The following NTPCR variants were observed in gnomAD, a reference collection of about 807,000 sequenced individuals.
NTPCR encodes the protein nucleoside-triphosphatase, cancer-related, also known as cancer-related nucleoside-triphosphatase.
Under a neutral mutation model 19.5 loss-of-function variants are expected in NTPCR, and 15 were observed. That is an observed-to-expected ratio of 0.77 (90% confidence interval 0.51 to 1.18). NTPCR has a LOEUF of 1.18. NTPCR is among the 50% of genes most tolerant of loss of function. The pLI, the probability that NTPCR is intolerant of heterozygous loss-of-function variation, is 0.00. For missense variants in NTPCR, 206 were observed against 240.4 expected (o/e 0.86, Z 0.95); for synonymous variants, 90 against 95.8 (o/e 0.94, Z 0.36).
intron 3 of NTPCR, among the ~76,000 whole-genome samples, chr1:232,960,768 G>C (rs1041645847): frequency 6.6e-6 from 1 of 152,098 alleles, no homozygotes; most frequent in African/African-American, 2.4e-5. Context: ...CTCTAGTAGG[G>C]TTGACTGTTA....
chr1:232,974,593 C>A (rs754058222), intron 4 of NTPCR, among the ~76,000 whole-genome samples: 20 of 152,310 alleles, frequency 1.3e-4, no homozygotes, highest in Non-Finnish European at 1.8e-4. Flanking sequence ...CTCACTGATA[C>A]AATCTTTGGC....
At chr1:232,971,168 C>T (rs1668964951) in intron 4 of NTPCR, among the ~76,000 whole-genome samples, 1 of 152,210 alleles carries the variant, frequency 6.6e-6, no homozygotes. Context: ...TTCTCCCCAA[C>T]CCCTACCCTT....
chr1:232,976,197 C>T (rs1669118018), intron 4 of NTPCR: 17 of 883,058 alleles, frequency 1.9e-5, no homozygotes, highest in Non-Finnish European at 2.6e-5. Context: ...TGTGATGTTT[C>T]AGTGCATGTA....
chr1:232,960,653 C>T (rs895698588), intron 3 of NTPCR, among the ~76,000 whole-genome samples: 2 of 152,040 alleles, frequency 1.3e-5, no homozygotes, highest in African/African-American at 4.8e-5. Flanking sequence ...GGTTACGTTT[C>T]TTTAGGCAGG....
In NTPCR at chr1:232,980,301, A is replaced by G. The variant is rs530407127; in HGVS notation, c.*2070A>G. On this transcript the variant is annotated 3_prime_UTR_variant, in exon 5 of 5. Coordinates refer to ENST00000366628, the MANE Select transcript of NTPCR (RefSeq NM_032324.3). ...TTCTGCACACTTTCCCTTTAACGGTAAAGAGACAAGCTTGGAGTGTTTAAG... is the reference window on the plus strand; with the variant it reads ...TTCTGCACACTTTCCCTTTAACGGTGAAGAGACAAGCTTGGAGTGTTTAAG... 2 of 152,312 alleles carry G rather than the reference A, an allele frequency of 1.3e-5. No individual in the cohort carries two copies. The highest frequency in any genetic ancestry group is 4.1e-4 in the South Asian group (2 of 4,830). 9.4% of individuals were successfully genotyped at this position (152,312 alleles called of 1,614,324 possible).
rs949257939 is a variant in NTPCR, at chr1:232,950,629, G to C, written c.-82G>C. 1.3e-5 allele frequency: 15 copies of C among 1,186,190 alleles called. No homozygotes were observed. The highest frequency in any genetic ancestry group is 1.9e-5 in the Non-Finnish European group (15 of 801,954). The allele number at this position is 1,186,190 out of a possible 1,614,324, so 73.5% of individuals were successfully genotyped here. A position where few individuals can be genotyped will look rare whatever the true frequency, so the allele number is the denominator to read the frequency against. ...ACGCGGTGGGCGGGTCCTGAGTCGC[G>C]ACCCTGGTCCGGACCTGACCTGAAT... On this transcript the variant is annotated 5_prime_UTR_variant, in exon 1 of 5. Coordinates refer to ENST00000366628, the MANE Select transcript of NTPCR (RefSeq NM_032324.3).
At chr1:232,969,576 AG>A in intron 3 of NTPCR, 2 of 228,268 alleles carry the variant, frequency 8.8e-6, no homozygotes, top group Non-Finnish European at 1.8e-5. Flanking sequence ...GGGAAAAAAA[AG>A]TAAGTACAAT....
At position 232,982,645 on chromosome 1, in the gene NTPCR, G is replaced by A. The variant is rs963090170; in HGVS notation, c.*4414G>A. The A allele has an allele frequency of 2.0e-5, 3 of 152,376 alleles. No homozygotes were observed. The highest frequency in any genetic ancestry group is 1.9e-4 in the East Asian group (1 of 5,178). The allele number at this position is 152,376 out of a possible 1,614,324, so 9.4% of individuals were successfully genotyped here. A position where few individuals can be genotyped will look rare whatever the true frequency, so the allele number is the denominator to read the frequency against. ...CTGCGCTGCCATTTCCTTCCAGCCT[G>A]GGTTTCTAGCTCTTTGGGGAGATTC... is the stretch of plus-strand genomic sequence containing the variant. On this transcript the variant is annotated 3_prime_UTR_variant, in exon 5 of 5. Coordinates refer to ENST00000366628, the MANE Select transcript of NTPCR (RefSeq NM_032324.3).
At chr1:232,973,135 G>A (rs562385905) in intron 4 of NTPCR, among the ~76,000 whole-genome samples, 21 of 152,066 alleles carry the variant, frequency 1.4e-4, no homozygotes, top group Non-Finnish European at 2.1e-4. Context: ...GACTGAGCCC[G>A]TGATATGGGG....
intron 3 of NTPCR, chr1:232,968,860 T>C (rs1326482858): frequency 6.6e-6 from 1 of 152,238 alleles, no homozygotes; most frequent in African/African-American, 2.4e-5. Flanking sequence ...TTCATTGAAG[T>C]GTTTATTACA....
chr1:232,955,823 C>T, intron 2 of NTPCR, 104 bp downstream of exon 2: 1 of 1,134,268 alleles, frequency 8.8e-7, no homozygotes, highest in Non-Finnish European at 1.3e-6. Flanking sequence ...AGCAGATACT[C>T]TGTTGGGTCC....
Position 232,955,647 on chromosome 1 carries a change from G to A in NTPCR, c.125G>A (p.Arg42Lys), listed in dbSNP as rs1440965798. 2 of 1,613,374 alleles carry A rather than the reference G, an allele frequency of 1.2e-6. No individual in the cohort carries two copies. Among genetic ancestry groups the A allele is most frequent in the Non-Finnish European group, 1.7e-6 (2 of 1,179,936 alleles). Residue 42 changes from arginine (R) to lysine (K), a missense_variant, in exon 2 of 5, where the codon AGA becomes AAA. By Grantham distance (26) the Arg-to-Lys change is conservative. Transcript: ENST00000366628. ...GATGGATTTTATACCGAAGAAGTCA[G>A]ACAGGGAGGGAGAAGAATAGGATTC... ...PVDGFYTEEV[R>K]QGGRRIGFDV...
intron 3 of NTPCR, chr1:232,967,957 T>A (rs1251914029): frequency 6.6e-6 from 1 of 152,236 alleles, no homozygotes; most frequent in Non-Finnish European, 1.5e-5. Context: ...GGTTGATAGC[T>A]GTTTTATTTC....
chr1:232,961,923 G>T (rs1405688232), intron 3 of NTPCR: 1 of 152,070 alleles, frequency 6.6e-6, no homozygotes, highest in Non-Finnish European at 1.5e-5. Context: ...AGAGTTATCT[G>T]TTCTCTTCCA....
intron 4 of NTPCR, among the ~76,000 whole-genome samples, chr1:232,971,304 C>T (rs1236938743): frequency 6.6e-6 from 1 of 152,204 alleles, no homozygotes; most frequent in African/African-American, 2.4e-5. Flanking sequence ...GCAGGCAGGG[C>T]CACTCCTATC....
intron 3 of NTPCR, chr1:232,964,624 T>G (rs1170873608): frequency 6.6e-6 from 1 of 152,210 alleles, no homozygotes; most frequent in East Asian, 1.9e-4. Flanking sequence ...TGAGCAGTAA[T>G]TAACAAACAT....
intron 4 of NTPCR, among the ~76,000 whole-genome samples, 160 bp from the exon 5 acceptor site, chr1:232,978,003 G>T (rs774302602): frequency 1.3e-5 from 2 of 152,234 alleles, no homozygotes; most frequent in Non-Finnish European, 2.9e-5. Flanking sequence ...TTCCTGTCCT[G>T]TTTCTGAGTG....
intron 4 of NTPCR, among the ~76,000 whole-genome samples, chr1:232,972,232 T>C (rs1422270863): frequency 6.6e-6 from 1 of 152,202 alleles, no homozygotes; most frequent in East Asian, 1.9e-4. Context: ...GGGGCTGACA[T>C]ACCCTGTTTT....
intron 3 of NTPCR, among the ~76,000 whole-genome samples, chr1:232,957,229 T>G (rs1668536514): frequency 6.6e-6 from 1 of 152,238 alleles, no homozygotes; most frequent in Admixed American, 6.5e-5. Context: ...AGGAAGTGTT[T>G]CCTTCTTTTC....
Sources: gnomAD v4.1 joint callset for allele counts (sites outside exome capture counted in the v4.1 genomes callset) on GRCh38, gnomAD v4.1.1 for gene constraint, MANE v1.5 for transcripts, NCBI Gene and HGNC (gene_info 2026-07-23, HGNC 2026-07-21) for gene names.